Variants in LRP6 observed in about 807,000 individuals in gnomAD.
LRP6 encodes the protein low-density lipoprotein receptor-related protein 6.
A neutral mutation model predicts 184.1 loss-of-function variants in LRP6; 43 were observed. The observed-to-expected ratio is 0.23, with a 90% CI of 0.18 to 0.30. The LOEUF is 0.30. LRP6 is among the 10% of genes least tolerant of loss of function. LRP6 has a pLI of 1.00. For synonymous variants in LRP6, 719 were observed against 684.9 expected (o/e 1.05, Z -0.78); for missense variants, 1,571 against 2,005.3 (o/e 0.78, Z 4.14).
intron 1 of LRP6, among the ~76,000 whole-genome samples, chr12:12,248,190 C>G (rs537393201): frequency 9.2e-5 from 14 of 152,308 alleles, no homozygotes; most frequent in African/African-American, 3.1e-4. Context: ...TACCTCCTCT[C>G]TACAACTTCG....
At chr12:12,145,631 T>TTC (rs1415629855) in intron 15 of LRP6, among the ~76,000 whole-genome samples, 11 of 126,060 alleles carry the variant, frequency 8.7e-5, no homozygotes, top group African/African-American at 4.4e-4. Flanking sequence ...TTTCTTTTTT[T>TTC]TTTTTTTTTT....
intron 19 of LRP6, among the ~76,000 whole-genome samples, chr12:12,127,918 T>G (rs547454545): frequency 9.8e-4 from 149 of 152,350 alleles, no homozygotes; most frequent in African/African-American, 3.4e-3. Context: ...GATTATCATT[T>G]ACAAATTTAG....
rs1385366167 is a variant in LRP6 at position 12,116,669 on chromosome 12, AAC to A, written c.*4455_*4456del. ...AACCCTAAGTGATGGTGGAGAATCT[AAC>A]AGTTCGTTAGGTCTGTACTCTGCTT... On this transcript the variant is annotated 3_prime_UTR_variant, in exon 23 of 23. Coordinates refer to ENST00000261349, the MANE Select transcript of LRP6 (RefSeq NM_002336.3). 6.6e-6 allele frequency: 1 copy of A among 152,218 alleles called. No homozygotes were observed. Among genetic ancestry groups the A allele is most frequent in the African/African-American group, 2.4e-5 (1 of 41,452 alleles). The allele number at this position is 152,218 out of a possible 1,614,324, so 9.4% of individuals were successfully genotyped here.
chr12:12,239,380 A>T (rs1329188093), intron 2 of LRP6, among the ~76,000 whole-genome samples: 2 of 152,236 alleles, frequency 1.3e-5, no homozygotes, highest in African/African-American at 2.4e-5. Context: ...GAGCTGATGG[A>T]GGAAGGAAAG....
intron 3 of LRP6, among the ~76,000 whole-genome samples, chr12:12,201,952 T>G (rs1451696759): frequency 6.6e-6 from 1 of 152,224 alleles, no homozygotes; most frequent in East Asian, 1.9e-4. Flanking sequence ...ATGTTCCTTA[T>G]TCTTAGTTCA....
chr12:12,162,496 T>G, intron 9 of LRP6, 77 bp from the exon 10 acceptor site: 1 of 1,226,424 alleles, frequency 8.2e-7, no homozygotes, highest in East Asian at 2.3e-5. Flanking sequence ...GGTTTGGTTT[T>G]TGTCAGGGGC....
intron 2 of LRP6, among the ~76,000 whole-genome samples, chr12:12,238,910 AAAGT>A (rs1864987865): frequency 6.6e-6 from 1 of 152,190 alleles, no homozygotes. Context: ...TCAATTTTTT[AAAGT>A]AATTCAACTC....
intron 19 of LRP6, among the ~76,000 whole-genome samples, chr12:12,127,698 T>G (rs542766408): frequency 6.6e-6 from 1 of 152,118 alleles, no homozygotes; most frequent in Non-Finnish European, 1.5e-5. Flanking sequence ...GTGAGCTTAT[T>G]GAAATTAGAG....
chr12:12,121,889 C>G (rs1949611638), intron 22 of LRP6, among the ~76,000 whole-genome samples: 1 of 152,134 alleles, frequency 6.6e-6, no homozygotes, highest in African/African-American at 2.4e-5. Context: ...TCATTTCTTT[C>G]TTCTGTACAA....
chr12:12,126,250 T>C (rs1242226361), intron 20 of LRP6, among the ~76,000 whole-genome samples: 1 of 152,220 alleles, frequency 6.6e-6, no homozygotes, highest in Non-Finnish European at 1.5e-5. Flanking sequence ...TTAAGACATA[T>C]TCTCCCTTCT....
intron 2 of LRP6, among the ~76,000 whole-genome samples, chr12:12,224,205 C>A (rs1864557673): frequency 6.6e-6 from 1 of 152,172 alleles, no homozygotes; most frequent in African/African-American, 2.4e-5. Flanking sequence ...AATTCGTATT[C>A]ATTAAGGTCC....
intron 1 of LRP6, among the ~76,000 whole-genome samples, chr12:12,255,395 A>C (rs78944116): frequency 0.011 from 1,586 of 150,232 alleles, 21 homozygotes; most frequent in African/African-American, 0.037. Flanking sequence ...AAAGTTCCTG[A>C]TAGCCCTGCT....
intron 19 of LRP6, among the ~76,000 whole-genome samples, chr12:12,129,489 G>A (rs1160420925): frequency 6.6e-6 from 1 of 151,992 alleles, no homozygotes; most frequent in Non-Finnish European, 1.5e-5. Flanking sequence ...TATTCCCTCT[G>A]CCCAAAATGA....
At chr12:12,185,906 C>T (rs556631035) in intron 4 of LRP6, among the ~76,000 whole-genome samples, 40 of 149,086 alleles carry the variant, frequency 2.7e-4, no homozygotes, top group Non-Finnish European at 3.9e-4. Flanking sequence ...AGTGCAATGG[C>T]GTGATCTTGG....
chr12:12,134,370 T>G (rs1334173606), intron 17 of LRP6, among the ~76,000 whole-genome samples: 3 of 152,196 alleles, frequency 2.0e-5, no homozygotes, highest in East Asian at 3.8e-4. Flanking sequence ...AATAGTATGA[T>G]GTAGTCTTTT....
In LRP6 at chr12:12,118,661, A is replaced by G. The variant is rs1381787708; in HGVS notation, c.*2465T>C. On this transcript the variant is annotated 3_prime_UTR_variant, in exon 23 of 23. Coordinates refer to ENST00000261349, the MANE Select transcript of LRP6 (RefSeq NM_002336.3). ...CTGTCCATGTAACCTAAGGCTCAAT[A>G]AATCTTTCCAAATTTGACAATTCTC... is the stretch of plus-strand genomic sequence containing the variant. The G allele has an allele frequency of 6.6e-6, 1 of 152,192 alleles. No individual in the cohort carries two copies. The highest frequency in any genetic ancestry group is 2.4e-5 in the African/African-American group (1 of 41,450). 9.4% of individuals were successfully genotyped at this position (152,192 alleles called of 1,614,324 possible).
chr12:12,168,744 T>C (rs1218034371), intron 7 of LRP6, among the ~76,000 whole-genome samples: 5 of 152,180 alleles, frequency 3.3e-5, no homozygotes, highest in Non-Finnish European at 7.3e-5. Context: ...CAAAATATTT[T>C]CAATTTCTGT....
chr12:12,157,420 C>T (rs899513641), intron 12 of LRP6, among the ~76,000 whole-genome samples: 2 of 152,038 alleles, frequency 1.3e-5, no homozygotes, highest in Non-Finnish European at 2.9e-5. Flanking sequence ...AGAAATCAGA[C>T]CATGTATTAT....
intron 3 of LRP6, among the ~76,000 whole-genome samples, chr12:12,192,601 G>A (rs967711887): frequency 2.6e-5 from 4 of 152,018 alleles, no homozygotes; most frequent in South Asian, 4.1e-4. Context: ...GAGAGCTGGA[G>A]CAGCTCTATC....
Sources: allele counts gnomAD v4.1 joint callset (sites outside exome capture counted in the v4.1 genomes callset), GRCh38; gene constraint gnomAD v4.1.1; transcripts MANE v1.5; gene names NCBI Gene and HGNC (gene_info 2026-07-23, HGNC 2026-07-21).